Variants in SIPA1L3 observed in about 807,000 individuals in gnomAD.
SIPA1L3 encodes signal-induced proliferation-associated 1-like protein 3.
Under a neutral mutation model 150.1 loss-of-function variants are expected in SIPA1L3, and 59 were observed. That is an observed-to-expected ratio of 0.39 (90% CI 0.32 to 0.49). The LOEUF (loss-of-function observed/expected upper bound fraction) is 0.49, where lower values mean the gene tolerates loss of function less well. SIPA1L3 is among the 20% of genes least tolerant of loss of function. SIPA1L3 has a pLI of 0.86. For synonymous variants in SIPA1L3, 1,070 were observed against 1,077.6 expected (o/e 0.99, Z 0.14); for missense variants, 2,211 against 2,489.5 (o/e 0.89, Z 2.38).
chr19:37,918,638 G>A (rs1303056086), intron 1 of SIPA1L3, among the ~76,000 whole-genome samples: 2 of 152,082 alleles, frequency 1.3e-5, no homozygotes, highest in South Asian at 2.1e-4. Flanking sequence ...GGGAGGATGA[G>A]GAGGGCGGAT....
Position 38,162,255 on chromosome 19 carries a change from C to A in SIPA1L3, c.3664C>A (p.Pro1222Thr). 6.2e-7 allele frequency: 1 copy of A among 1,613,656 alleles called. No individual in the cohort carries two copies. The highest frequency in any genetic ancestry group is 8.5e-7 in the Non-Finnish European group (1 of 1,179,504). ...ESTMERQKPE[P>T]LWHVPAQARL... is the part of the protein sequence containing the mutation. ...GTGTGTCTCCTGTTTTCCTACAGAG[C>A]CTTTGTGGCATGTGCCTGCCCAGGC... Residue 1222 changes from proline to threonine, a missense_variant and splice_region_variant, in exon 14 of 22, where the codon CCT (proline) becomes ACT (threonine). Transcript: ENST00000222345.
chr19:37,965,387 C>T (rs1033811950), intron 1 of SIPA1L3, among the ~76,000 whole-genome samples: 1 of 149,154 alleles, frequency 6.7e-6, no homozygotes. Flanking sequence ...ACAATCTTGG[C>T]TCACTGTGAC....
intron 9 of SIPA1L3, among the ~76,000 whole-genome samples, chr19:38,127,133 G>A (rs62121439): frequency 0.053 from 7,995 of 152,114 alleles, 277 homozygotes; most frequent in South Asian, 0.14. Context: ...CGGAGGTTGC[G>A]ATGAGCCAAG....
chr19:38,044,917 G>C (rs1969018271), intron 2 of SIPA1L3, among the ~76,000 whole-genome samples: 1 of 152,118 alleles, frequency 6.6e-6, no homozygotes, highest in South Asian at 2.1e-4. Context: ...TCTAGAGAAT[G>C]AGTCTAATAA....
chr19:37,951,078 G>A (rs571468491), intron 1 of SIPA1L3, among the ~76,000 whole-genome samples: 19 of 152,334 alleles, frequency 1.2e-4, no homozygotes, highest in Middle Eastern at 3.4e-3. Flanking sequence ...TACTGAGACC[G>A]CTGTGTGCAA....
At chr19:38,133,849 G>A (rs1452019208) in intron 10 of SIPA1L3, among the ~76,000 whole-genome samples, 1 of 152,178 alleles carries the variant, frequency 6.6e-6, no homozygotes, top group Non-Finnish European at 1.5e-5. Context: ...ACGTAGGACA[G>A]GCCAGACCCA....
At chr19:38,124,844 A>G (rs1158834422) in intron 9 of SIPA1L3, among the ~76,000 whole-genome samples, 1 of 152,178 alleles carries the variant, frequency 6.6e-6, no homozygotes, top group Non-Finnish European at 1.5e-5. Flanking sequence ...CACCAAAAAA[A>G]TACGAAAACC....
intron 10 of SIPA1L3, among the ~76,000 whole-genome samples, 170 bp from the exon 11 acceptor site, chr19:38,141,014 T>C (rs1281023087): frequency 7.3e-6 from 1 of 136,332 alleles, no homozygotes. Context: ...GCCAACATCA[T>C]GCCGCTGTAC....
intron 2 of SIPA1L3, among the ~76,000 whole-genome samples, chr19:38,051,535 G>C (rs763091513): frequency 6.6e-6 from 1 of 152,116 alleles, no homozygotes; most frequent in Non-Finnish European, 1.5e-5. Flanking sequence ...ACTAGAACCT[G>C]GTGTATCCCC....
At chr19:38,112,062 G>A (rs990608931) in intron 8 of SIPA1L3, among the ~76,000 whole-genome samples, 15 of 131,792 alleles carry the variant, frequency 1.1e-4, no homozygotes, top group East Asian at 2.1e-4. Flanking sequence ...GCACACACAC[G>A]TATGCACACA....
chr19:38,038,892 T>C lies in SIPA1L3; in HGVS notation c.-311+9736T>C, dbSNP rs528400063. Among the ~76,000 whole-genome samples the C allele has an allele frequency of 1.1e-3, 167 of 152,334 alleles. No individual in the cohort carries two copies. The South Asian group carries it at 0.011, about 10-fold the overall frequency. ...TTCTTTAATTTTTTAATTTTAATTT[T>C]TATTTTTTGGAGACACAGTCTCACT... is the stretch of plus-strand genomic sequence containing the variant. On this transcript the variant is annotated intron_variant, in intron 2 of 21. Coordinates refer to ENST00000222345, the MANE Select transcript of SIPA1L3 (RefSeq NM_015073.3).
At chr19:38,041,891 C>T (rs528215531) in intron 2 of SIPA1L3, among the ~76,000 whole-genome samples, 5 of 152,278 alleles carry the variant, frequency 3.3e-5, no homozygotes, top group South Asian at 2.1e-4. Context: ...TAATTTCTTA[C>T]TTGGTTATTT....
intron 2 of SIPA1L3, among the ~76,000 whole-genome samples, chr19:38,051,329 T>A (rs1969193258): frequency 6.6e-6 from 1 of 152,222 alleles, no homozygotes; most frequent in African/African-American, 2.4e-5. Flanking sequence ...CAAAATGTAT[T>A]TACTGATTCT....
chr19:38,122,387 A>G (rs548734923), intron 9 of SIPA1L3, among the ~76,000 whole-genome samples: 4 of 151,938 alleles, frequency 2.6e-5, no homozygotes, highest in African/African-American at 9.7e-5. Context: ...CCTGGGCTCC[A>G]CTCTCTCTCA....
chr19:38,092,724 G>A (rs1201161015), intron 4 of SIPA1L3, among the ~76,000 whole-genome samples: 1 of 152,222 alleles, frequency 6.6e-6, no homozygotes, highest in Non-Finnish European at 1.5e-5. Flanking sequence ...AGATGCTCGT[G>A]AGACTGGGTG....
rs3214616 is a variant in SIPA1L3 at position 38,201,714 on chromosome 19, TG to T, written c.4985-146del. 2,303 of 820,960 alleles carry T rather than the reference TG, an allele frequency of 2.8e-3. 110 individuals are homozygous for T. In the East Asian group the frequency reaches 0.063, roughly 22 times the overall value. The allele number at this position is 820,960 out of a possible 1,614,324, so 50.9% of individuals were successfully genotyped here. ...TTGTGTGTTCATTTGGTTGGTTTTT[TG>T]GCAAGAATCTATCTAAGTGCCGATG... On this transcript the variant is annotated intron_variant, in intron 19 of 21. Transcript: ENST00000222345.
intron 1 of SIPA1L3, among the ~76,000 whole-genome samples, chr19:37,981,859 G>GACCA (rs958068949): frequency 1.9e-4 from 29 of 152,180 alleles, no homozygotes; most frequent in African/African-American, 6.3e-4. Context: ...AAAGTTACAT[G>GACCA]ACCACCCATA....
intron 15 of SIPA1L3, among the ~76,000 whole-genome samples, chr19:38,169,289 T>C (rs1463003256): frequency 1.3e-5 from 2 of 151,940 alleles, no homozygotes. Context: ...TTCTGGAGGC[T>C]GAGGCGGGAG....
chr19:37,907,724 TTTGGCACATAGG>T (rs1262522162), intron 1 of SIPA1L3: 2 of 152,166 alleles, frequency 1.3e-5, no homozygotes, highest in African/African-American at 2.4e-5. Context: ...TAATAAAACA[TTTGGCACATAGG>T]AGGCACTTAC....
Sources: allele counts gnomAD v4.1 joint callset (sites outside exome capture counted in the v4.1 genomes callset), GRCh38; gene constraint gnomAD v4.1.1; transcripts MANE v1.5; gene names NCBI Gene and HGNC (gene_info 2026-07-23, HGNC 2026-07-21).